Variants in XPNPEP1 observed in about 807,000 individuals in gnomAD.
The protein encoded by XPNPEP1 is X-prolyl aminopeptidase 1, also known as xaa-Pro aminopeptidase 1.
XPNPEP1 carries 39 observed loss-of-function variants against 92.4 expected under a neutral mutation model. The observed-to-expected ratio is 0.42, with a 90% CI of 0.33 to 0.55. XPNPEP1 has a LOEUF of 0.55. XPNPEP1 is among the 20% of genes least tolerant of loss of function. The pLI, the probability that XPNPEP1 is intolerant of heterozygous loss-of-function variation, is 0.08. For missense variants in XPNPEP1, 654 were observed against 856.1 expected, an observed-to-expected ratio of 0.76 and a Z score of 2.95; for synonymous variants, 307 against 299.4, an observed-to-expected ratio of 1.03 and a Z score of -0.26.
intron 5 of XPNPEP1, 86 bp downstream of exon 5, chr10:109,891,636 G>T: frequency 8.8e-7 from 1 of 1,130,426 alleles, no homozygotes; most frequent in African/African-American, 1.6e-5. Flanking sequence ...TGCATAAAAG[G>T]ATTAAGATCC....
intron 3 of XPNPEP1, 151 bp downstream of exon 3, chr10:109,907,540 G>T: frequency 8.2e-7 from 1 of 1,225,026 alleles, no homozygotes; most frequent in Non-Finnish European, 1.1e-6. Flanking sequence ...CAAGCATTCA[G>T]TGAGACCTAT....
chr10:109,877,503 T>G, intron 14 of XPNPEP1: 1 of 403,404 alleles, frequency 2.5e-6, no homozygotes, highest in Non-Finnish European at 4.5e-6. Context: ...ATGCAAGGGC[T>G]ATGCATACAG....
At chr10:109,884,018 G>A (rs771752174) in intron 9 of XPNPEP1, 49 bp downstream of exon 9, 9 of 1,576,488 alleles carry the variant, frequency 5.7e-6, no homozygotes, top group South Asian at 1.1e-5. Flanking sequence ...GCACACTAGG[G>A]CTCTGAGGAG....
intron 1 of XPNPEP1, among the ~76,000 whole-genome samples, chr10:109,915,372 GT>G (rs1850127888): frequency 6.6e-6 from 1 of 152,172 alleles, no homozygotes; most frequent in Non-Finnish European, 1.5e-5. Flanking sequence ...TATTTTCAAT[GT>G]TTTTTCCTTA....
chr10:109,888,222 A>G lies in XPNPEP1; in HGVS notation c.509-30T>C, dbSNP rs781627861. The G allele has an allele frequency of 3.1e-6, 5 of 1,602,462 alleles. No individual in the cohort carries two copies. In the South Asian group the frequency reaches 5.5e-5, roughly 18 times the overall value. ...GGAGACACATTGTGGCCCAGCCATG[A>G]GCCGAACGCCCATTGCAGCAGGGCA... On this transcript the variant is annotated intron_variant, in intron 6 of 20. Coordinates refer to ENST00000502935, the MANE Select transcript of XPNPEP1 (RefSeq NM_020383.4).
At chr10:109,906,268 A>T (rs1849555330) in intron 3 of XPNPEP1, among the ~76,000 whole-genome samples, 1 of 152,148 alleles carries the variant, frequency 6.6e-6, no homozygotes, top group South Asian at 2.1e-4. Context: ...TACATATACC[A>T]ATCAAGTTCT....
chr10:109,885,806 G>A (rs1274837234), intron 8 of XPNPEP1, among the ~76,000 whole-genome samples: 2 of 152,214 alleles, frequency 1.3e-5, no homozygotes, highest in African/African-American at 4.8e-5. Flanking sequence ...AGGGCTTGGG[G>A]AGGAACTTTT....
At position 109,880,856 on chromosome 10, in the gene XPNPEP1, T is replaced by G. The variant is rs1225917606; in HGVS notation, c.1117A>C (p.Met373Leu). 3.1e-6 allele frequency: 5 copies of G among 1,614,030 alleles called. No homozygotes were observed. Among genetic ancestry groups the G allele is most frequent in the Non-Finnish European group, 4.2e-6 (5 of 1,179,988 alleles). The part of the protein sequence containing the change: ...AVKNSAESEG[M>L]RRAHIKDAVA... ...CCTCTACTCACGTGAGCCCGCCTCATGCCTTCTGACTCAGCTGAATTCTTC... is the reference window on the plus strand; with the variant it reads ...CCTCTACTCACGTGAGCCCGCCTCAGGCCTTCTGACTCAGCTGAATTCTTC... The change falls in exon 11 of 21, where the codon ATG (methionine) becomes CTG (leucine). Residue 373 changes from methionine (M) to leucine (L), a missense_variant. Transcript: ENST00000502935.
intron 12 of XPNPEP1, among the ~76,000 whole-genome samples, chr10:109,879,614 G>A (rs577795635): frequency 1.3e-5 from 2 of 151,778 alleles, no homozygotes; most frequent in South Asian, 4.2e-4. Context: ...TTACATAGAT[G>A]AACAATCACC....
rs187386356 is a variant in XPNPEP1, at chr10:109,918,313, T to C, written c.33-3214A>G. ...GTGCACACCTGTGGTCCCAGCTACT[T>C]AGGAGGCTGAGGCAGGAGGATCGCT... On this transcript the variant is annotated intron_variant, in intron 1 of 20. Coordinates refer to ENST00000502935, the MANE Select transcript of XPNPEP1 (RefSeq NM_020383.4). Among the ~76,000 whole-genome samples the C allele has an allele frequency of 1.4e-4, 22 of 151,836 alleles. No homozygotes were observed. In the East Asian group the frequency reaches 4.1e-3, roughly 28 times the overall value.
intron 1 of XPNPEP1, among the ~76,000 whole-genome samples, chr10:109,921,472 C>G (rs1439533187): frequency 6.6e-6 from 1 of 152,232 alleles, no homozygotes; most frequent in African/African-American, 2.4e-5. Context: ...CCTTCTCCCT[C>G]TTTTTCCAAG....
At chr10:109,871,149 C>G (rs1253727209) in intron 17 of XPNPEP1, 2 of 391,748 alleles carry the variant, frequency 5.1e-6, no homozygotes, top group East Asian at 4.4e-5. Context: ...ACCTACAGCA[C>G]ACAGAGGCCG....
intron 5 of XPNPEP1, among the ~76,000 whole-genome samples, chr10:109,889,263 C>A (rs1848573108): frequency 6.6e-6 from 1 of 152,232 alleles, no homozygotes; most frequent in African/African-American, 2.4e-5. Flanking sequence ...AGTGCGGTGG[C>A]ACCATCTCAG....
intron 5 of XPNPEP1, among the ~76,000 whole-genome samples, chr10:109,889,523 G>A (rs930990575): frequency 2.6e-5 from 4 of 152,216 alleles, no homozygotes; most frequent in Admixed American, 2.6e-4. Context: ...CTCCCAGGAT[G>A]AGACAGCCCT....
chr10:109,881,084 C>T (rs1021027074), intron 10 of XPNPEP1, among the ~76,000 whole-genome samples, 153 bp from the exon 11 acceptor site: 4 of 152,320 alleles, frequency 2.6e-5, no homozygotes, highest in South Asian at 2.1e-4. Context: ...GGGGCCCCAA[C>T]GACCTGTCCC....
intron 1 of XPNPEP1, chr10:109,923,093 G>T: frequency 1.1e-6 from 1 of 920,730 alleles, no homozygotes; most frequent in Non-Finnish European, 1.3e-6. Flanking sequence ...CTTCCCGCGG[G>T]CCAGGAACTG....
chr10:109,899,683 T>A lies in XPNPEP1; in HGVS notation c.247-6608A>T, dbSNP rs114675910. On this transcript the variant is annotated intron_variant, in intron 3 of 20. Transcript: ENST00000502935. ...AGAATGGAGTAGGGTCCAAAGAGTT[T>A]AGGAAAATCTGAATCATGTCTTCCA... Among the ~76,000 whole-genome samples the A allele has an allele frequency of 7.2e-4, 109 of 152,328 alleles. 1 individual carries two copies. The highest frequency in any genetic ancestry group is 2.5e-3 in the African/African-American group (102 of 41,574).
chr10:109,868,275 C>G (rs777873158), intron 20 of XPNPEP1, among the ~76,000 whole-genome samples: 2 of 151,818 alleles, frequency 1.3e-5, no homozygotes, highest in Non-Finnish European at 2.9e-5. Flanking sequence ...TGTAGGGACA[C>G]ACATAGGCTC....
chr10:109,865,249 G>A lies in XPNPEP1; in HGVS notation c.1936C>T (p.Gln646Ter). 6.2e-7 allele frequency: 1 copy of A among 1,614,170 alleles called. No homozygotes were observed. Among genetic ancestry groups the A allele is most frequent in the Non-Finnish European group, 8.5e-7 (1 of 1,180,044 alleles). The part of the protein sequence containing the change: ...RDVIGKELQK[Q>*]GRQEALEWLI... ...CACTCGAGAGCTTCCTGGCGGCCCTGTTTCTGCAATTCCTTCCCAATCACA... is the reference window on the plus strand; with the variant it reads ...CACTCGAGAGCTTCCTGGCGGCCCTATTTCTGCAATTCCTTCCCAATCACA... Residue 646 changes from glutamine (Q) to a stop codon, truncating the protein, a stop_gained, in exon 21 of 21, where the codon CAG (glutamine) becomes TAG (stop). Coordinates refer to ENST00000502935, the MANE Select transcript of XPNPEP1 (RefSeq NM_020383.4). LOFTEE classifies it high-confidence loss of function.
Sources: allele counts gnomAD v4.1 joint callset (sites outside exome capture counted in the v4.1 genomes callset), GRCh38; gene constraint gnomAD v4.1.1; transcripts MANE v1.5; gene names NCBI Gene and HGNC (gene_info 2026-07-23, HGNC 2026-07-21).